INSR: variants seen among roughly 807,000 people sequenced by gnomAD.
INSR encodes insulin receptor.
In INSR, 67 loss-of-function variants were observed where a neutral mutation model predicts 142.6. The ratio of observed to expected loss-of-function variants is 0.47; its 90% confidence interval spans 0.39 to 0.58. The LOEUF (loss-of-function observed/expected upper bound fraction) is 0.58. Among genes scored for constraint, INSR ranks in the 20% least tolerant of loss-of-function variants. INSR has a pLI of 0.00. For synonymous variants in INSR, 756 were observed against 743.1 expected (o/e 1.02, Z -0.28); for missense variants, 1,248 against 1,833.2 (o/e 0.68, Z 5.83).
At chr19:7,240,575 CA>C (rs1330567611) in intron 2 of INSR, among the ~76,000 whole-genome samples, 1 of 152,070 alleles carries the variant, frequency 6.6e-6, no homozygotes, top group African/African-American at 2.4e-5. Flanking sequence ...TTGTCAAATA[CA>C]AATAAATAAA....
chr19:7,197,268 G>C (rs1043640982), intron 2 of INSR, among the ~76,000 whole-genome samples: 2 of 152,248 alleles, frequency 1.3e-5, no homozygotes, highest in African/African-American at 4.8e-5. Context: ...AGGGAACAGA[G>C]TACCAGAGGG....
intron 1 of INSR, among the ~76,000 whole-genome samples, chr19:7,289,088 C>T (rs149021078): frequency 1.6e-3 from 248 of 151,954 alleles, no homozygotes; most frequent in Non-Finnish European, 2.6e-3. Context: ...ACAGGTGAGA[C>T]GGGAGACACA....
intron 11 of INSR, among the ~76,000 whole-genome samples, chr19:7,143,323 G>A (rs1279820968): frequency 6.6e-6 from 1 of 152,180 alleles, no homozygotes; most frequent in Non-Finnish European, 1.5e-5. Context: ...TGAGGGATGA[G>A]TGCTTCTAAG....
intron 2 of INSR, among the ~76,000 whole-genome samples, chr19:7,241,261 C>T (rs1976332102): frequency 6.6e-6 from 1 of 150,816 alleles, no homozygotes; most frequent in Admixed American, 6.6e-5. Context: ...TCACTGCAGC[C>T]TCCAACTCCT....
intron 9 of INSR, among the ~76,000 whole-genome samples, chr19:7,158,713 G>A (rs1481178305): frequency 6.6e-6 from 1 of 152,062 alleles, no homozygotes; most frequent in Non-Finnish European, 1.5e-5. Context: ...TGCACTTAAT[G>A]CAGCTCAACT....
intron 2 of INSR, among the ~76,000 whole-genome samples, chr19:7,233,975 C>T (rs139619145): frequency 0.01 from 1,577 of 152,158 alleles, 36 homozygotes; most frequent in African/African-American, 0.036. Flanking sequence ...GGCGCAATCT[C>T]GGCTCACTGC....
At chr19:7,194,424 G>GAA (rs112107715) in intron 2 of INSR, among the ~76,000 whole-genome samples, 19,459 of 148,066 alleles carry the variant, frequency 0.13, 1,634 homozygotes, top group East Asian at 0.33. Flanking sequence ...CTCAAAAAAA[G>GAA]AAAAAAAAAT....
At chr19:7,146,950 C>A (rs1018148224) in intron 11 of INSR, among the ~76,000 whole-genome samples, 2 of 152,146 alleles carry the variant, frequency 1.3e-5, no homozygotes, top group African/African-American at 4.8e-5. Flanking sequence ...ATAGGCTTAG[C>A]TGTTATTGCT....
At chr19:7,269,844 A>C (rs1192706837) in intron 1 of INSR, among the ~76,000 whole-genome samples, 1 of 151,818 alleles carries the variant, frequency 6.6e-6, no homozygotes, top group African/African-American at 2.4e-5. Context: ...GCCTAGTTGA[A>C]TTTGAATTTC....
At chr19:7,158,113 T>C (rs1318718158) in intron 9 of INSR, among the ~76,000 whole-genome samples, 1 of 150,876 alleles carries the variant, frequency 6.6e-6, no homozygotes, top group Non-Finnish European at 1.5e-5. Flanking sequence ...GGATATTTGT[T>C]CAGGCACAGG....
chr19:7,218,166 C>G (rs540904564), intron 2 of INSR, among the ~76,000 whole-genome samples: 1 of 151,808 alleles, frequency 6.6e-6, no homozygotes, highest in Non-Finnish European at 1.5e-5. Context: ...TCTGACCCCC[C>G]GGGGGTCACG....
intron 2 of INSR, among the ~76,000 whole-genome samples, chr19:7,186,612 C>G (rs1268471867): frequency 6.6e-6 from 1 of 152,138 alleles, no homozygotes; most frequent in Non-Finnish European, 1.5e-5. Flanking sequence ...CTCACCTTAA[C>G]CAAACTGAAA....
chr19:7,262,713 G>A lies in INSR; in HGVS notation c.652+4632C>T, dbSNP rs1033056038. 3.9e-5 allele frequency among the ~76,000 whole-genome samples: 6 copies of A among 152,156 alleles called. No homozygotes were observed. The East Asian group carries it at 5.8e-4, about 15-fold the overall frequency. On this transcript the variant is annotated intron_variant, in intron 2 of 21. Transcript: ENST00000302850. Reference sequence around the variant, plus strand: ...ACAGGCTACCACGTGGATGAACCTTGAGGACAACATGCTCAGTGAAATAAG... The same window carrying A: ...ACAGGCTACCACGTGGATGAACCTTAAGGACAACATGCTCAGTGAAATAAG...
chr19:7,287,036 G>C (rs766399605), intron 1 of INSR, among the ~76,000 whole-genome samples: 2 of 151,744 alleles, frequency 1.3e-5, no homozygotes, highest in African/African-American at 2.4e-5. Context: ...TGTTAGTGGA[G>C]ACAGGGTCTT....
chr19:7,163,452 T>C (rs1219618878), intron 8 of INSR, among the ~76,000 whole-genome samples: 5 of 151,264 alleles, frequency 3.3e-5, no homozygotes, highest in Non-Finnish European at 5.9e-5. Context: ...CCCAGCTACT[T>C]GGGAGGCTGA....
chr19:7,213,202 G>A (rs895193958), intron 2 of INSR, among the ~76,000 whole-genome samples: 10 of 151,922 alleles, frequency 6.6e-5, no homozygotes, highest in Non-Finnish European at 1.5e-4. Context: ...AAATTAGCTG[G>A]GCGTGGTGGA....
At position 7,141,766 on chromosome 19, in the gene INSR, T is replaced by A; in HGVS notation, c.2593A>T (p.Asn865Tyr). The A allele has an allele frequency of 6.2e-7, 1 of 1,614,202 alleles. No individual in the cohort carries two copies. The highest frequency in any genetic ancestry group is 8.5e-7 in the Non-Finnish European group (1 of 1,180,036). The change falls in exon 13 of 22, where the codon AAC becomes TAC. Residue 865 changes from asparagine to tyrosine, a missense_variant. Physicochemically the swap from Asn to Tyr is moderately radical, Grantham distance 143. This residue lies in a region of INSR where 1,069 missense variants were observed against 1,654.0 expected (regional missense o/e 0.65). Transcript: ENST00000302850. ...GPVTHEIFENNVVHLMWQEPK... is the reference protein window; with the variant it reads ...GPVTHEIFENYVVHLMWQEPK... ...TCCTGCCACATCAAGTGGACGACGTTGTTCTCAAAGATTTCATGCGTCACA... is the reference window on the plus strand; with the variant it reads ...TCCTGCCACATCAAGTGGACGACGTAGTTCTCAAAGATTTCATGCGTCACA...
intron 2 of INSR, among the ~76,000 whole-genome samples, chr19:7,190,763 T>C (rs1974560633): frequency 6.6e-6 from 1 of 152,096 alleles, no homozygotes; most frequent in African/African-American, 2.4e-5. Context: ...AAATTTCACT[T>C]AGGAGAAATA....
chr19:7,197,182 G>A (rs1410737517), intron 2 of INSR, among the ~76,000 whole-genome samples: 2 of 152,246 alleles, frequency 1.3e-5, no homozygotes. Flanking sequence ...TGACAATACC[G>A]CCCCACACGC....
Sources: gnomAD v4.1 joint callset for allele counts (sites outside exome capture counted in the v4.1 genomes callset) on GRCh38, gnomAD v4.1.1 for gene constraint, gnomAD v4.1.1 regional missense constraint, MANE v1.5 for transcripts, NCBI Gene and HGNC (gene_info 2026-07-23, HGNC 2026-07-21) for gene names.